The following HS6ST3 variants were observed in gnomAD, a reference collection of about 807,000 sequenced individuals.
The protein encoded by HS6ST3 is heparan sulfate 6-O-sulfotransferase 3.
A neutral mutation model predicts 36.7 loss-of-function variants in HS6ST3; 12 were observed. The ratio of observed to expected loss-of-function variants is 0.33; its 90% CI spans 0.21 to 0.53. The LOEUF (loss-of-function observed/expected upper bound fraction) is 0.53, where lower values mean the gene tolerates loss of function less well. Among genes scored for constraint, HS6ST3 ranks in the 20% least tolerant of loss-of-function variants. The probability of loss-of-function intolerance (pLI) is 0.95; values close to 1 mark genes in which losing one functional copy is unlikely to be tolerated. For synonymous variants in HS6ST3, 240 were observed against 257.5 expected, an observed-to-expected ratio of 0.93 and a Z score of 0.65; for missense variants, 584 against 640.9, an observed-to-expected ratio of 0.91 and a Z score of 0.96.
chr13:96,741,977 A>G (rs535695434), intron 1 of HS6ST3, among the ~76,000 whole-genome samples: 1 of 152,240 alleles, frequency 6.6e-6, no homozygotes, highest in Admixed American at 6.5e-5. Flanking sequence ...TGGTTTCCCA[A>G]GGTTAACAAA....
intron 1 of HS6ST3, among the ~76,000 whole-genome samples, chr13:96,696,234 A>T (rs1875124094): frequency 6.6e-6 from 1 of 152,134 alleles, no homozygotes; most frequent in South Asian, 2.1e-4. Context: ...CCCCAGGTAG[A>T]TGTCTTCTTT....
intron 1 of HS6ST3, among the ~76,000 whole-genome samples, chr13:96,657,024 A>AGG: frequency 6.7e-6 from 1 of 148,614 alleles, no homozygotes; most frequent in East Asian, 2.0e-4. Flanking sequence ...AGAGAGAGAG[A>AGG]AAGAATGAGA....
At chr13:96,450,363 T>C (rs1466817296) in intron 1 of HS6ST3, among the ~76,000 whole-genome samples, 2 of 152,236 alleles carry the variant, frequency 1.3e-5, no homozygotes, top group Admixed American at 6.5e-5. Context: ...TCTATTCATC[T>C]GAACAGAACA....
rs917701756 is a variant in HS6ST3 at position 96,090,481 on chromosome 13, G to T, written c.-382G>T. Among the ~76,000 whole-genome samples, 3 of 146,444 alleles carry T rather than the reference G, an allele frequency of 2.0e-5. No homozygotes were observed. Among genetic ancestry groups the T allele is most frequent in the African/African-American group, 7.3e-5 (3 of 40,866 alleles). ...CCGGCTGCCCGGCTGCGCGCGGCAG[G>T]TCCAGGACCCGAACCCCGCTCCCCA... On this transcript the variant is annotated 5_prime_UTR_variant, in exon 1 of 2. Transcript: ENST00000376705.
At chr13:96,791,818 C>G (rs916352129) in intron 1 of HS6ST3, among the ~76,000 whole-genome samples, 1 of 151,944 alleles carries the variant, frequency 6.6e-6, no homozygotes, top group Non-Finnish European at 1.5e-5. Flanking sequence ...TTAATGATGA[C>G]TTCCTGTAAG....
At chr13:96,104,846 G>A (rs1041440848) in intron 1 of HS6ST3, among the ~76,000 whole-genome samples, 3 of 152,092 alleles carry the variant, frequency 2.0e-5, no homozygotes, top group African/African-American at 7.2e-5. Context: ...GTGTGGTGTG[G>A]CCTGCTTCTT....
At chr13:96,699,768 A>G (rs892312956) in intron 1 of HS6ST3, among the ~76,000 whole-genome samples, 2 of 152,232 alleles carry the variant, frequency 1.3e-5, no homozygotes, top group Admixed American at 6.5e-5. Flanking sequence ...ATTATAAAAC[A>G]TGCTGCTATA....
chr13:96,438,191 G>T (rs1324185445), intron 1 of HS6ST3, among the ~76,000 whole-genome samples: 1 of 152,170 alleles, frequency 6.6e-6, no homozygotes, highest in Non-Finnish European at 1.5e-5. Flanking sequence ...TTTCAGTTCA[G>T]ACTGGTTCTT....
chr13:96,384,150 GC>G (rs916768095), intron 1 of HS6ST3, among the ~76,000 whole-genome samples: 26 of 152,166 alleles, frequency 1.7e-4, no homozygotes, highest in African/African-American at 6.0e-4. Context: ...CTCTGACGGA[GC>G]CATGGGTGGG....
At chr13:96,806,413 A>G (rs1350178614) in intron 1 of HS6ST3, among the ~76,000 whole-genome samples, 1 of 152,246 alleles carries the variant, frequency 6.6e-6, no homozygotes, top group African/African-American at 2.4e-5. Flanking sequence ...AATGATTAAA[A>G]TAAAGCACAG....
intron 1 of HS6ST3, among the ~76,000 whole-genome samples, chr13:96,322,876 G>T (rs536642823): frequency 6.6e-6 from 1 of 152,300 alleles, no homozygotes; most frequent in South Asian, 2.1e-4. Context: ...TGCCCTATCA[G>T]CAGATTCCAC....
intron 1 of HS6ST3, among the ~76,000 whole-genome samples, chr13:96,687,038 G>A (rs907971894): frequency 3.3e-5 from 5 of 150,618 alleles, no homozygotes; most frequent in African/African-American, 9.7e-5. Context: ...TCTCCTTTTT[G>A]TTAAAGAAAC....
intron 1 of HS6ST3, among the ~76,000 whole-genome samples, chr13:96,217,132 G>A (rs972132105): frequency 5.3e-5 from 8 of 152,136 alleles, no homozygotes; most frequent in Middle Eastern, 3.2e-3. Flanking sequence ...GGAGCCAGAC[G>A]GAAGTTTCCC....
At chr13:96,719,158 C>G (rs908840806) in intron 1 of HS6ST3, among the ~76,000 whole-genome samples, 1 of 151,894 alleles carries the variant, frequency 6.6e-6, no homozygotes, top group Admixed American at 6.6e-5. Context: ...CCTGTAGTCC[C>G]AGCTAGTCGG....
chr13:96,213,921 T>G (rs1204462818), intron 1 of HS6ST3, among the ~76,000 whole-genome samples: 3 of 152,162 alleles, frequency 2.0e-5, no homozygotes, highest in African/African-American at 7.2e-5. Context: ...GTTTTTATTG[T>G]GAAATATTTA....
chr13:96,539,356 C>CA (rs1325631860), intron 1 of HS6ST3, among the ~76,000 whole-genome samples: 1 of 147,316 alleles, frequency 6.8e-6, no homozygotes, highest in Non-Finnish European at 1.5e-5. Context: ...AGTTTGGACA[C>CA]TTTTTTTTTT....
In HS6ST3 at chr13:96,395,129, G is replaced by T. The variant is rs1043962069; in HGVS notation, c.707+303560G>T. ...GGAAGATTTCTATTTGCTCCAGAGG[G>T]TATTGGAGAGACTCTATTCCTTTTT... On this transcript the variant is annotated intron_variant, in intron 1 of 1. Transcript: ENST00000376705. Among the ~76,000 whole-genome samples the T allele has an allele frequency of 3.3e-5, 5 of 152,210 alleles. No individual in the cohort carries two copies. In the East Asian group the frequency reaches 7.7e-4, roughly 24 times the overall value.
intron 1 of HS6ST3, among the ~76,000 whole-genome samples, chr13:96,205,390 C>T (rs766493306): frequency 6.6e-6 from 1 of 152,116 alleles, no homozygotes; most frequent in Non-Finnish European, 1.5e-5. Context: ...CTGAATTCTA[C>T]CAGACGTACA....
chr13:96,609,807 T>C (rs560844765), intron 1 of HS6ST3, among the ~76,000 whole-genome samples: 2 of 152,342 alleles, frequency 1.3e-5, no homozygotes, highest in East Asian at 1.9e-4. Flanking sequence ...CATACTTCAA[T>C]TGAAAATATA....
Sources: gnomAD v4.1 joint callset for allele counts (sites outside exome capture counted in the v4.1 genomes callset) on GRCh38, gnomAD v4.1.1 for gene constraint, MANE v1.5 for transcripts, NCBI Gene and HGNC (gene_info 2026-07-23, HGNC 2026-07-21) for gene names.